COL27A1: variants seen among roughly 807,000 people sequenced by gnomAD.
COL27A1 encodes collagen alpha-1(XXVII) chain.
A neutral mutation model predicts 251.3 loss-of-function variants in COL27A1; 106 were observed. The observed-to-expected ratio is 0.42, with a 90% CI of 0.36 to 0.50. The LOEUF (loss-of-function observed/expected upper bound fraction) is 0.50, where lower values mean the gene tolerates loss of function less well. Among genes scored for constraint, COL27A1 ranks in the 20% least tolerant of loss-of-function variants. COL27A1 has a pLI of 0.00. For synonymous variants in COL27A1, 1,000 were observed against 986.3 expected (o/e 1.01, Z -0.26); for missense variants, 2,325 against 2,522.8 (o/e 0.92, Z 1.68).
At chr9:114,260,920 G>A (rs1046971764) in intron 28 of COL27A1, among the ~76,000 whole-genome samples, 2 of 152,144 alleles carry the variant, frequency 1.3e-5, no homozygotes, top group African/African-American at 4.8e-5. Context: ...CCAATGCCTC[G>A]GGCCAACTCT....
chr9:114,279,038 T>C (rs189524001), intron 37 of COL27A1, among the ~76,000 whole-genome samples: 78 of 152,266 alleles, frequency 5.1e-4, no homozygotes, highest in Admixed American at 2.0e-3. Flanking sequence ...AGACGCAGCC[T>C]CCCGTCTCCC....
chr9:114,198,561 T>C (rs1210950208), intron 7 of COL27A1, among the ~76,000 whole-genome samples: 1 of 152,136 alleles, frequency 6.6e-6, no homozygotes, highest in Non-Finnish European at 1.5e-5. Flanking sequence ...TTAATGGAAA[T>C]ACCTTCCATG....
chr9:114,213,080 A>G (rs1005751342), intron 12 of COL27A1, among the ~76,000 whole-genome samples: 1 of 152,248 alleles, frequency 6.6e-6, no homozygotes. Context: ...GGTCAAGGTC[A>G]CATGGCTGCT....
chr9:114,240,427 TC>T lies in COL27A1; in HGVS notation c.2782-3del. The stretch of plus-strand genomic sequence containing the variant: ...CTGAGACTCCCTTTTTGTTCCCTTC[TC>T]CCCAGGGTAAGCCTGGAGCCCGAGG... On this transcript the variant is annotated splice_polypyrimidine_tract_variant and splice_region_variant and intron_variant, in intron 20 of 60. Transcript: ENST00000356083. The T allele has an allele frequency of 6.2e-7, 1 of 1,613,472 alleles. No individual in the cohort carries two copies. Among genetic ancestry groups the T allele is most frequent in the Non-Finnish European group, 8.5e-7 (1 of 1,179,788 alleles).
At chr9:114,182,081 G>A (rs907661748) in intron 4 of COL27A1, among the ~76,000 whole-genome samples, 1 of 151,950 alleles carries the variant, frequency 6.6e-6, no homozygotes, top group African/African-American at 2.4e-5. Context: ...GCTCACGCCT[G>A]TAATCCCAGC....
chr9:114,220,043 CT>C lies in COL27A1; in HGVS notation c.2421+200del, dbSNP rs555814397. The stretch of plus-strand genomic sequence containing the variant: ...CTACTGCGGCTGCACCGTCGCCCCC[CT>C]GTAAGAGTCCCCAGCCCACTGAGCC... On this transcript the variant is annotated intron_variant, in intron 13 of 60. Transcript: ENST00000356083. 4.6e-4 allele frequency among the ~76,000 whole-genome samples: 70 copies of C among 152,282 alleles called. No individual in the cohort carries two copies. In the East Asian group the frequency reaches 0.01, roughly 23 times the overall value.
intron 3 of COL27A1, among the ~76,000 whole-genome samples, chr9:114,172,576 C>A (rs1849395621): frequency 6.6e-6 from 1 of 152,130 alleles, no homozygotes; most frequent in African/African-American, 2.4e-5. Context: ...GAGGCCGAGG[C>A]AGGCGGATCA....
At chr9:114,304,540 G>C in intron 56 of COL27A1, 68 bp from the exon 57 acceptor site, 1 of 1,450,762 alleles carries the variant, frequency 6.9e-7, no homozygotes, top group Non-Finnish European at 9.7e-7. Context: ...TGGCCCTGGG[G>C]CTCCCACTTG....
intron 21 of COL27A1, among the ~76,000 whole-genome samples, chr9:114,241,840 G>A (rs997814133): frequency 1.3e-5 from 2 of 152,368 alleles, no homozygotes; most frequent in Non-Finnish European, 2.9e-5. Flanking sequence ...GTGAGGCTGA[G>A]GTCTGCCAGT....
rs372077190 is a variant in COL27A1 at position 114,265,512 on chromosome 9, C to T, written c.3393+37C>T. 155 of 1,603,544 alleles carry T rather than the reference C, an allele frequency of 9.7e-5. 1 individual carries two copies. The Middle Eastern group carries it at 1.5e-3, about 15-fold the overall frequency. On this transcript the variant is annotated intron_variant, in intron 32 of 60. Coordinates refer to ENST00000356083, the MANE Select transcript of COL27A1 (RefSeq NM_032888.4). Reference sequence around the variant, plus strand: ...TTCCTTCCCTCTTCTGCTTCTTTGCCGCTGGCACCTGGGGGTGTGGGCCAG... The same window carrying T: ...TTCCTTCCCTCTTCTGCTTCTTTGCTGCTGGCACCTGGGGGTGTGGGCCAG...
intron 2 of COL27A1, among the ~76,000 whole-genome samples, chr9:114,166,398 C>CCGTCCGTCCATCCAT (rs1347413059): frequency 1.4e-5 from 2 of 144,504 alleles, no homozygotes; most frequent in African/African-American, 2.6e-5. Context: ...CATCCATCCA[C>CCGTCCGTCCATCCAT]CCACCCACCT....
chr9:114,242,349 GC>G, intron 22 of COL27A1, 118 bp downstream of exon 22: 1 of 826,588 alleles, frequency 1.2e-6, no homozygotes, highest in Non-Finnish European at 1.9e-6. Flanking sequence ...CCTTGGACCA[GC>G]CAGAGAGAGA....
At chr9:114,255,614 C>A (rs949777164) in intron 27 of COL27A1, among the ~76,000 whole-genome samples, 1 of 152,168 alleles carries the variant, frequency 6.6e-6, no homozygotes. Flanking sequence ...ACCTCCCCAC[C>A]CCACCCCATC....
intron 22 of COL27A1, among the ~76,000 whole-genome samples, chr9:114,243,205 C>T (rs541205992): frequency 8.5e-5 from 13 of 152,340 alleles, no homozygotes; most frequent in South Asian, 6.2e-4. Context: ...CTGCACCCCC[C>T]GATCATCTGC....
chr9:114,284,805 T>C, intron 41 of COL27A1, 28 bp downstream of exon 41: 3 of 1,613,266 alleles, frequency 1.9e-6, no homozygotes, highest in Non-Finnish European at 2.5e-6. Context: ...GGAAAGCAGC[T>C]GCACCCTCGT....
chr9:114,246,724 C>T (rs536530580), intron 24 of COL27A1, among the ~76,000 whole-genome samples: 2 of 152,278 alleles, frequency 1.3e-5, no homozygotes, highest in East Asian at 3.9e-4. Context: ...CCTCACCAGG[C>T]CTGCAACATC....
intron 21 of COL27A1, among the ~76,000 whole-genome samples, chr9:114,241,452 C>T (rs538894295): frequency 1.6e-4 from 25 of 152,294 alleles, no homozygotes; most frequent in African/African-American, 4.6e-4. Flanking sequence ...CTGGAGGGAG[C>T]CCCTTGGTCA....
At chr9:114,186,286 C>T (rs1263075823) in intron 5 of COL27A1, among the ~76,000 whole-genome samples, 1 of 152,236 alleles carries the variant, frequency 6.6e-6, no homozygotes, top group Non-Finnish European at 1.5e-5. Context: ...GAAGCTAGGA[C>T]CCTGAGAGGA....
intron 3 of COL27A1, among the ~76,000 whole-genome samples, chr9:114,175,420 G>T (rs1312180794): frequency 2.6e-5 from 4 of 152,260 alleles, no homozygotes; most frequent in Non-Finnish European, 2.9e-5. Context: ...GATCAGGGGA[G>T]AGGGGCCAGG....
Sources: allele counts gnomAD v4.1 joint callset (sites outside exome capture counted in the v4.1 genomes callset), GRCh38; gene constraint gnomAD v4.1.1; transcripts MANE v1.5; gene names NCBI Gene and HGNC (gene_info 2026-07-23, HGNC 2026-07-21).